The following PHIP variants were observed in gnomAD, a reference collection of about 807,000 sequenced individuals.
The protein encoded by PHIP is PH-interacting protein.
Under a neutral mutation model 236.8 loss-of-function variants are expected in PHIP, and 54 were observed. The ratio of observed to expected loss-of-function variants is 0.23; its 90% confidence interval spans 0.18 to 0.29. The LOEUF (loss-of-function observed/expected upper bound fraction) is 0.29, where lower values mean the gene tolerates loss of function less well. PHIP is among the 10% of genes least tolerant of loss of function. The pLI is 1.00. For missense variants in PHIP, 1,370 were observed against 2,190.8 expected, an observed-to-expected ratio of 0.63 and a Z score of 7.48; for synonymous variants, 756 against 718.9, an observed-to-expected ratio of 1.05 and a Z score of -0.83.
chr6:78,953,306 C>T (rs1766180090), intron 35 of PHIP, among the ~76,000 whole-genome samples: 1 of 152,092 alleles, frequency 6.6e-6, no homozygotes, highest in Admixed American at 6.5e-5. Context: ...CCTTTTTCAC[C>T]ACTGCCCAAG....
At chr6:78,997,327 A>AG in intron 19 of PHIP, 87 bp downstream of exon 19, 1 of 1,153,022 alleles carries the variant, frequency 8.7e-7, no homozygotes, top group Non-Finnish European at 1.3e-6. Flanking sequence ...GAGGAATTAC[A>AG]GAGCTGAAAA....
rs1021360265 is a variant in PHIP, at chr6:78,938,847, A to C, written c.*1846T>G. The C allele has an allele frequency of 4.0e-5, 6 of 151,644 alleles. No individual in the cohort carries two copies. The highest frequency in any genetic ancestry group is 9.7e-5 in the African/African-American group (4 of 41,422). The allele number at this position is 151,644 out of a possible 1,614,324, so 9.4% of individuals were successfully genotyped here. A position where few individuals can be genotyped will look rare whatever the true frequency, so the allele number is the denominator to read the frequency against. On this transcript the variant is annotated 3_prime_UTR_variant, in exon 40 of 40. Coordinates refer to ENST00000275034, the MANE Select transcript of PHIP (RefSeq NM_017934.7). ...GTTACAAATGATCTAAAAAGCCCAA[A>C]TGTATCACTTTTTCATTCTTCACGA...
At chr6:79,016,663 TC>T in intron 12 of PHIP, 21 bp from the exon 13 acceptor site, 1 of 1,476,000 alleles carries the variant, frequency 6.8e-7, no homozygotes, top group Non-Finnish European at 9.4e-7. Context: ...AGGAATCCGA[TC>T]CCCCAAAGAA....
intron 19 of PHIP, among the ~76,000 whole-genome samples, chr6:78,991,999 T>A (rs1250358570): frequency 6.6e-6 from 1 of 150,982 alleles, no homozygotes; most frequent in Non-Finnish European, 1.5e-5. Context: ...AGTCTCGCTG[T>A]CGCCCAGGCT....
chr6:78,974,281 GTACA>G (rs1168571947), intron 24 of PHIP, among the ~76,000 whole-genome samples: 2 of 151,848 alleles, frequency 1.3e-5, no homozygotes, highest in African/African-American at 4.8e-5. Context: ...TGACTACTGG[GTACA>G]TAATGAAATG....
intron 7 of PHIP, among the ~76,000 whole-genome samples, chr6:79,040,183 A>G (rs1361924420): frequency 6.6e-6 from 1 of 152,104 alleles, no homozygotes; most frequent in Non-Finnish European, 1.5e-5. Context: ...TGTGGTTGGT[A>G]CTATTATCAT....
Position 79,043,020 on chromosome 6 carries a change from G to A in PHIP, c.440-17C>T, listed in dbSNP as rs961850410. 1.9e-6 allele frequency: 3 copies of A among 1,590,734 alleles called. No homozygotes were observed. The African/African-American group carries it at 4.1e-5, about 22-fold the overall frequency. ...GAGTATCCGCTACCAAGAAAAAGAA[G>A]GAAAATAAATGTAATCTGGAAATTA... On this transcript the variant is annotated splice_polypyrimidine_tract_variant and intron_variant, in intron 6 of 39. Transcript: ENST00000275034.
intron 15 of PHIP, among the ~76,000 whole-genome samples, chr6:79,007,870 CT>C (rs141239535): frequency 0.011 from 1,722 of 151,920 alleles, 31 homozygotes; most frequent in African/African-American, 0.039. Flanking sequence ...ATTAAAAAAA[CT>C]TTTAGATTAG....
chr6:79,017,050 T>C (rs1770864441), intron 12 of PHIP, among the ~76,000 whole-genome samples: 1 of 152,034 alleles, frequency 6.6e-6, no homozygotes, highest in Non-Finnish European at 1.5e-5. Context: ...AATATTATAC[T>C]GTGATACATT....
Position 79,015,095 on chromosome 6 carries a change from G to A in PHIP, c.1511C>T (p.Ser504Phe). Residue 504 changes from serine (S) to phenylalanine (F), a missense_variant, in exon 15 of 40, where the codon TCT (serine) becomes TTT (phenylalanine). By Grantham distance (155) the Ser-to-Phe change is radical (BLOSUM62 -2). Coordinates refer to ENST00000275034, the MANE Select transcript of PHIP (RefSeq NM_017934.7). ...AATGATAATTACCATATTGAAATAA[G>A]ATCGTATTTTGACTCCTCTTGCCAG... is the stretch of plus-strand genomic sequence containing the variant. ...WDLARGVKIR[S>F]YFNMIEGQGH... 6.2e-7 allele frequency: 1 copy of A among 1,610,336 alleles called. No homozygotes were observed. Among genetic ancestry groups the A allele is most frequent in the Non-Finnish European group, 8.5e-7 (1 of 1,177,174 alleles).
chr6:79,059,592 T>TAA lies in PHIP; in HGVS notation c.439+885_439+886insTT, dbSNP rs1773254526. On this transcript the variant is annotated intron_variant, in intron 6 of 39. Coordinates refer to ENST00000275034, the MANE Select transcript of PHIP (RefSeq NM_017934.7). ...GGAAACAAAAAGTTGAAAGCAAAAT[T>TAA]ATATATATATATATATATATATATA... 4.6e-3 allele frequency among the ~76,000 whole-genome samples: 43 copies of TAA among 9,266 alleles called. 1 individual carries two copies. In the South Asian group the frequency reaches 0.14, roughly 30 times the overall value. 6.1% of individuals were successfully genotyped at this position (9,266 alleles called of 152,430 possible).
chr6:78,963,021 G>T, intron 30 of PHIP, 76 bp downstream of exon 30: 1 of 1,373,506 alleles, frequency 7.3e-7, no homozygotes, highest in Non-Finnish European at 9.8e-7. Context: ...AAAAATTTTT[G>T]TTGGAGAATA....
At chr6:78,944,396 TG>T (rs1356600074) in intron 39 of PHIP, among the ~76,000 whole-genome samples, 2 of 152,080 alleles carry the variant, frequency 1.3e-5, no homozygotes, top group Non-Finnish European at 2.9e-5. Flanking sequence ...AGAGAGGGAC[TG>T]GTTAAGAAAG....
At chr6:79,010,744 T>C (rs893039136) in intron 15 of PHIP, among the ~76,000 whole-genome samples, 2 of 151,822 alleles carry the variant, frequency 1.3e-5, no homozygotes, top group Middle Eastern at 3.2e-3. Flanking sequence ...ACATGGGGTC[T>C]ACAAATTCAA....
intron 23 of PHIP, among the ~76,000 whole-genome samples, chr6:78,981,440 A>G (rs374724177): frequency 1.4e-3 from 210 of 152,158 alleles, no homozygotes; most frequent in Middle Eastern, 3.4e-3. Context: ...TAACCTTACC[A>G]TATTTAAAGT....
intron 27 of PHIP, 137 bp from the exon 28 acceptor site, chr6:78,966,193 A>C (rs1582123793): frequency 5.0e-6 from 3 of 601,386 alleles, no homozygotes; most frequent in East Asian, 5.5e-5. Flanking sequence ...AACTCCAAAA[A>C]TAAGTAAGTA....
chr6:79,060,976 T>C (rs890004245), intron 4 of PHIP, among the ~76,000 whole-genome samples, 158 bp from the exon 5 acceptor site: 3 of 152,052 alleles, frequency 2.0e-5, no homozygotes, highest in African/African-American at 7.2e-5. Flanking sequence ...TAAGAACTGA[T>C]AGTTTGTTAT....
intron 7 of PHIP, among the ~76,000 whole-genome samples, chr6:79,027,065 C>A (rs1382806460): frequency 6.6e-6 from 1 of 151,996 alleles, no homozygotes; most frequent in African/African-American, 2.4e-5. Flanking sequence ...ACCTTCCAAT[C>A]TAATTCTTAA....
intron 15 of PHIP, among the ~76,000 whole-genome samples, chr6:79,005,829 G>A (rs185124784): frequency 6.6e-6 from 1 of 151,976 alleles, no homozygotes; most frequent in African/African-American, 2.4e-5. Flanking sequence ...TGAGGGTTGC[G>A]GGGCAAGTAG....
Sources: gnomAD v4.1 joint callset for allele counts (sites outside exome capture counted in the v4.1 genomes callset) on GRCh38, gnomAD v4.1.1 for gene constraint, MANE v1.5 for transcripts, NCBI Gene and HGNC (gene_info 2026-07-23, HGNC 2026-07-21) for gene names.